EYS: variants seen among roughly 807,000 people sequenced by gnomAD.
EYS encodes protein eyes shut homolog.
EYS carries 250 observed loss-of-function variants against 282.1 expected under a neutral mutation model. The ratio of observed to expected loss-of-function variants is 0.89; its 90% CI spans 0.80 to 0.98. EYS has a LOEUF of 0.98. Ranked by LOEUF, EYS falls within the 50% of genes least tolerant of loss-of-function variation. The pLI is 0.00. For missense variants in EYS, 4,016 were observed against 3,709.0 expected (o/e 1.08, Z -2.15); for synonymous variants, 1,355 against 1,282.9 (o/e 1.06, Z -1.20).
At chr6:65,031,492 G>T (rs183199749) in intron 13 of EYS, among the ~76,000 whole-genome samples, 5 of 151,996 alleles carry the variant, frequency 3.3e-5, no homozygotes, top group African/African-American at 9.6e-5. Context: ...TAAAATAATT[G>T]TTAGTAAATT....
chr6:64,469,457 C>G (rs950760356), intron 26 of EYS, among the ~76,000 whole-genome samples: 1 of 152,034 alleles, frequency 6.6e-6, no homozygotes, highest in Non-Finnish European at 1.5e-5. Context: ...TAATAATCCT[C>G]GCTCTATAAT....
intron 12 of EYS, among the ~76,000 whole-genome samples, chr6:65,149,137 A>T (rs2150213965): frequency 6.6e-6 from 1 of 152,116 alleles, no homozygotes; most frequent in Admixed American, 6.5e-5. Flanking sequence ...ACATATGCAA[A>T]TTTCTGTAGT....
intron 2 of EYS, among the ~76,000 whole-genome samples, chr6:65,598,150 T>A (rs1765475257): frequency 6.6e-6 from 1 of 150,444 alleles, no homozygotes; most frequent in South Asian, 2.1e-4. Context: ...AAACTCTATT[T>A]TTAAGTCCTC....
intron 33 of EYS, among the ~76,000 whole-genome samples, chr6:64,003,598 TA>T (rs966060064): frequency 6.6e-6 from 1 of 151,688 alleles, no homozygotes; most frequent in Admixed American, 6.6e-5. Flanking sequence ...ACTTAAAAAT[TA>T]AAAAAAAATT....
At chr6:65,476,106 T>C (rs933473877) in intron 5 of EYS, among the ~76,000 whole-genome samples, 7 of 152,136 alleles carry the variant, frequency 4.6e-5, no homozygotes, top group Non-Finnish European at 8.8e-5. Flanking sequence ...AAAAAAGGCA[T>C]GATTGAATTA....
intron 31 of EYS, among the ~76,000 whole-genome samples, chr6:64,172,353 T>G (rs564657810): frequency 2.6e-5 from 4 of 152,264 alleles, no homozygotes; most frequent in Admixed American, 6.5e-5. Flanking sequence ...TAACTGAAAC[T>G]TTATACACAT....
intron 40 of EYS, among the ~76,000 whole-genome samples, chr6:63,772,568 T>C (rs1769959755): frequency 6.6e-6 from 1 of 152,150 alleles, no homozygotes; most frequent in African/African-American, 2.4e-5. Flanking sequence ...TTATGGTTCT[T>C]TTTGTCTTTA....
chr6:64,932,283 C>T (rs1048264198), intron 15 of EYS, among the ~76,000 whole-genome samples: 2 of 151,928 alleles, frequency 1.3e-5, no homozygotes, highest in African/African-American at 4.8e-5. Flanking sequence ...AAGACCCTTC[C>T]CAAGGAATGT....
intron 5 of EYS, among the ~76,000 whole-genome samples, chr6:65,414,584 T>A (rs1361230062): frequency 6.6e-6 from 1 of 152,142 alleles, no homozygotes; most frequent in Non-Finnish European, 1.5e-5. Flanking sequence ...TTTAATCTTT[T>A]TTTTTTATGT....
chr6:65,269,622 T>G (rs1289723947), intron 12 of EYS, among the ~76,000 whole-genome samples: 1 of 152,136 alleles, frequency 6.6e-6, no homozygotes, highest in South Asian at 2.1e-4. Context: ...TACCATATAC[T>G]AGGTGGCCTA....
At chr6:65,017,961 G>A (rs1454499472) in intron 13 of EYS, among the ~76,000 whole-genome samples, 1 of 152,086 alleles carries the variant, frequency 6.6e-6, no homozygotes, top group Non-Finnish European at 1.5e-5. Context: ...TCTTAACAAA[G>A]TGCTCCCAAA....
intron 22 of EYS, among the ~76,000 whole-genome samples, chr6:64,736,870 T>G (rs868050762): frequency 6.6e-6 from 1 of 152,124 alleles, no homozygotes; most frequent in Admixed American, 6.5e-5. Context: ...AAAATAAAAA[T>G]TCACAATAAT....
At chr6:64,430,747 C>G (rs1321742545) in intron 28 of EYS, among the ~76,000 whole-genome samples, 6 of 152,126 alleles carry the variant, frequency 3.9e-5, no homozygotes. Context: ...CTCCATGTGA[C>G]TAATCTCTAG....
chr6:64,887,315 G>T (rs1242235548), intron 18 of EYS, among the ~76,000 whole-genome samples: 1 of 151,070 alleles, frequency 6.6e-6, no homozygotes, highest in African/African-American at 2.4e-5. Flanking sequence ...AGCATTGGGA[G>T]AGATACCTAA....
At chr6:64,601,087 C>G (rs1490224495) in intron 24 of EYS, among the ~76,000 whole-genome samples, 2 of 152,050 alleles carry the variant, frequency 1.3e-5, no homozygotes, top group African/African-American at 4.8e-5. Flanking sequence ...ACCTCTTTCT[C>G]CTATTCATTA....
At chr6:64,763,568 G>C (rs558086542) in intron 22 of EYS, among the ~76,000 whole-genome samples, 1 of 151,966 alleles carries the variant, frequency 6.6e-6, no homozygotes, top group African/African-American at 2.4e-5. Flanking sequence ...GGCACACAGA[G>C]CCAAACATAT....
chr6:64,762,261 G>A (rs986495555), intron 22 of EYS, among the ~76,000 whole-genome samples: 7 of 152,144 alleles, frequency 4.6e-5, no homozygotes, highest in Non-Finnish European at 7.3e-5. Flanking sequence ...ATGATTGACT[G>A]CTGAAAAAAA....
intron 5 of EYS, among the ~76,000 whole-genome samples, chr6:65,448,297 A>G (rs1222827780): frequency 4.6e-5 from 7 of 152,222 alleles, no homozygotes; most frequent in Admixed American, 3.3e-4. Context: ...ACAATATTCA[A>G]TGACAAATGA....
At chr6:63,937,324 T>A (rs998575033) in intron 35 of EYS, among the ~76,000 whole-genome samples, 2 of 134,248 alleles carry the variant, frequency 1.5e-5, no homozygotes, top group South Asian at 2.5e-4. Context: ...AAGATCCAAA[T>A]TTTCTAGGCT....
Sources: gnomAD v4.1 joint callset for allele counts (sites outside exome capture counted in the v4.1 genomes callset) on GRCh38, gnomAD v4.1.1 for gene constraint, MANE v1.5 for transcripts, NCBI Gene and HGNC (gene_info 2026-07-23, HGNC 2026-07-21) for gene names.